Variants in NHLRC2 observed in about 807,000 individuals in gnomAD.
NHLRC2 encodes the protein NHL repeat containing 2.
A neutral mutation model predicts 68.1 loss-of-function variants in NHLRC2; 33 were observed. The ratio of observed to expected loss-of-function variants is 0.48; its 90% confidence interval spans 0.37 to 0.65. The LOEUF (loss-of-function observed/expected upper bound fraction) is 0.65, where lower values mean the gene tolerates loss of function less well. NHLRC2 is among the 30% of genes least tolerant of loss of function. NHLRC2 has a pLI of 0.00. For synonymous variants in NHLRC2, 311 were observed against 309.6 expected, an observed-to-expected ratio of 1.00 and a Z score of -0.05; for missense variants, 761 against 853.8, an observed-to-expected ratio of 0.89 and a Z score of 1.35.
At position 113,915,147 on chromosome 10, in the gene NHLRC2, T is replaced by C. The variant is rs539449927; in HGVS notation, c.*6611T>C. 4.6e-5 allele frequency: 21 copies of C among 456,242 alleles called. No individual in the cohort carries two copies. The highest frequency in any genetic ancestry group is 7.5e-5 in the Non-Finnish European group (17 of 226,992). The allele number at this position is 456,242 out of a possible 1,614,324, so 28.3% of individuals were successfully genotyped here. A position where few individuals can be genotyped will look rare whatever the true frequency, so the allele number is the denominator to read the frequency against. On this transcript the variant is annotated 3_prime_UTR_variant, in exon 11 of 11. Transcript: ENST00000369301. ...GAATGTTTGCCTGGTTGTATTGGTG[T>C]GTCCCTCTTCTTCACTGGCATGTCG...
At position 113,914,461 on chromosome 10, in the gene NHLRC2, C is replaced by T. The variant is rs1476462155; in HGVS notation, c.*5925C>T. 4 of 156,620 alleles carry T rather than the reference C, an allele frequency of 2.6e-5. No individual in the cohort carries two copies. The highest frequency in any genetic ancestry group is 5.6e-5 in the Non-Finnish European group (4 of 71,194). 9.7% of individuals were successfully genotyped at this position (156,620 alleles called of 1,614,324 possible). On this transcript the variant is annotated 3_prime_UTR_variant, in exon 11 of 11. Coordinates refer to ENST00000369301, the MANE Select transcript of NHLRC2 (RefSeq NM_198514.4). Reference sequence around the variant, plus strand: ...GGGATTACAGGCGTGAGCCGCTGCGCCCAGCGCACTAAATACTATTAAAAG... The same window carrying T: ...GGGATTACAGGCGTGAGCCGCTGCGTCCAGCGCACTAAATACTATTAAAAG...
intron 1 of NHLRC2, 58 bp downstream of exon 1, chr10:113,855,108 G>T (rs956168069): frequency 2.1e-6 from 3 of 1,444,474 alleles, no homozygotes; most frequent in African/African-American, 2.8e-5. Context: ...CCTCGGGGAC[G>T]GCGCCCTCCC....
At position 113,903,583 on chromosome 10, in the gene NHLRC2, C is replaced by T. The variant is rs1159547176; in HGVS notation, c.1551C>T (p.Asp517=). The T allele has an allele frequency of 2.5e-6, 4 of 1,612,668 alleles. No homozygotes were observed. The highest frequency in any genetic ancestry group is 2.2e-5 in the East Asian group (1 of 44,774). The part of the protein sequence containing the change: ...KNCTTLAGTG[D]TNNVTSSSFT... Reference sequence around the variant, plus strand: ...GTACAACATTAGCAGGAACTGGAGACACAAATAATGTTACCAGTTCCAGTT... The same window carrying T: ...GTACAACATTAGCAGGAACTGGAGATACAAATAATGTTACCAGTTCCAGTT... The change falls in exon 9 of 11, where the codon GAC becomes GAT. Residue 517 remains aspartate, a synonymous_variant. Coordinates refer to ENST00000369301, the MANE Select transcript of NHLRC2 (RefSeq NM_198514.4).
chr10:113,885,041 T>C (rs1846068593), intron 5 of NHLRC2, among the ~76,000 whole-genome samples: 2 of 151,858 alleles, frequency 1.3e-5, no homozygotes, highest in African/African-American at 2.4e-5. Flanking sequence ...TAAAATTGGA[T>C]TGATGAGTAA....
rs571027225 is a variant in NHLRC2 at position 113,875,907 on chromosome 10, A to C, written c.332-614A>C. Among the ~76,000 whole-genome samples, 407 of 148,148 alleles carry C rather than the reference A, an allele frequency of 2.7e-3. 2 individuals carry two copies. The highest frequency in any genetic ancestry group is 9.9e-3 in the African/African-American group (397 of 39,958). On this transcript the variant is annotated intron_variant, in intron 2 of 10. Transcript: ENST00000369301. ...TTGAATTTTTTCACTGAATCCAGCCAAACACTTTTTTTTTTTTTTTGGTAC... is the reference window on the plus strand; with the variant it reads ...TTGAATTTTTTCACTGAATCCAGCCCAACACTTTTTTTTTTTTTTTGGTAC...
chr10:113,899,981 T>C (rs1846214058), intron 6 of NHLRC2, among the ~76,000 whole-genome samples: 1 of 152,036 alleles, frequency 6.6e-6, no homozygotes. Flanking sequence ...TCAGTAAGAT[T>C]TGAGTTGTCA....
rs1845722207 is a variant in NHLRC2 at position 113,854,673 on chromosome 10, T to A, written c.-200T>A. ...TGGGTCGGACGGCAGTTTAATTACG[T>A]CCCCGGGAACTGCGCCGATTTGGAC... is the stretch of plus-strand genomic sequence containing the variant. On this transcript the variant is annotated 5_prime_UTR_variant, in exon 1 of 11. Coordinates refer to ENST00000369301, the MANE Select transcript of NHLRC2 (RefSeq NM_198514.4). The A allele has an allele frequency of 3.6e-6, 2 of 551,002 alleles. No homozygotes were observed. The highest frequency in any genetic ancestry group is 3.2e-6 in the Non-Finnish European group (1 of 312,334). The allele number at this position is 551,002 out of a possible 1,614,324, so 34.1% of individuals were successfully genotyped here.
intron 5 of NHLRC2, among the ~76,000 whole-genome samples, chr10:113,888,825 CTTTTT>C (rs553815478): frequency 1.5e-5 from 2 of 132,958 alleles, no homozygotes; most frequent in Non-Finnish European, 1.6e-5. Context: ...CTATCAGTAT[CTTTTT>C]TTTTTTTTTT....
At chr10:113,874,937 T>G (rs1845964227) in intron 2 of NHLRC2, among the ~76,000 whole-genome samples, 1 of 151,974 alleles carries the variant, frequency 6.6e-6, no homozygotes. Flanking sequence ...TCCTGTCTTT[T>G]TACTTCATTT....
chr10:113,889,247 G>T (rs1175668738), intron 5 of NHLRC2, among the ~76,000 whole-genome samples: 1 of 151,954 alleles, frequency 6.6e-6, no homozygotes, highest in Non-Finnish European at 1.5e-5. Flanking sequence ...ATTTTCCCTA[G>T]ATAGAAGTTT....
chr10:113,901,540 A>T, intron 6 of NHLRC2, 126 bp from the exon 7 acceptor site: 1 of 659,686 alleles, frequency 1.5e-6, no homozygotes, highest in East Asian at 2.6e-5. Context: ...CTAGACCAAG[A>T]TCACTAGTTT....
At chr10:113,899,552 C>T (rs1260868204) in intron 6 of NHLRC2, among the ~76,000 whole-genome samples, 1 of 152,128 alleles carries the variant, frequency 6.6e-6, no homozygotes, top group East Asian at 1.9e-4. Context: ...TGGTTGTCAT[C>T]AGTGAACTTA....
At chr10:113,904,306 T>G (rs1381606410) in intron 9 of NHLRC2, among the ~76,000 whole-genome samples, 1 of 152,132 alleles carries the variant, frequency 6.6e-6, no homozygotes, top group Non-Finnish European at 1.5e-5. Context: ...GGGAAATGTC[T>G]ATTATAAACT....
chr10:113,870,871 AT>A (rs1845916465), intron 2 of NHLRC2, among the ~76,000 whole-genome samples: 1 of 152,030 alleles, frequency 6.6e-6, no homozygotes. Context: ...TTTAAGATGT[AT>A]TTTTGAGTTG....
Position 113,902,670 on chromosome 10 carries a change from C to G in NHLRC2, c.1494+77C>G. ...AAATGCTGAAAGATCTGTGAGCCTC[C>G]TACAACTGCCACTCTAAAATATAGA... On this transcript the variant is annotated intron_variant, in intron 8 of 10. Coordinates refer to ENST00000369301, the MANE Select transcript of NHLRC2 (RefSeq NM_198514.4). 3 of 1,189,590 alleles carry G rather than the reference C, an allele frequency of 2.5e-6. No homozygotes were observed. In the South Asian group the frequency reaches 3.9e-5, roughly 16 times the overall value. The allele number at this position is 1,189,590 out of a possible 1,614,324, so 73.7% of individuals were successfully genotyped here. A position where few individuals can be genotyped will look rare whatever the true frequency, so the allele number is the denominator to read the frequency against.
chr10:113,856,199 C>T (rs973061665), intron 1 of NHLRC2, among the ~76,000 whole-genome samples: 1 of 152,112 alleles, frequency 6.6e-6, no homozygotes, highest in African/African-American at 2.4e-5. Context: ...ACGTATTTTA[C>T]CTTCTTTGGA....
At chr10:113,896,601 G>A (rs1846180096) in intron 5 of NHLRC2, among the ~76,000 whole-genome samples, 1 of 151,800 alleles carries the variant, frequency 6.6e-6, no homozygotes. Context: ...CACCAGCATG[G>A]CACATGTATA....
rs978790964 is a variant in NHLRC2, at chr10:113,916,331, A to G, written c.*7795A>G. On this transcript the variant is annotated 3_prime_UTR_variant, in exon 11 of 11. Coordinates refer to ENST00000369301, the MANE Select transcript of NHLRC2 (RefSeq NM_198514.4). ...TTAGGCCTCCCTCTTACTAAAAACA[A>G]TAGTAGTTTCTGTAGAAGTTTCAGT... 1.3e-5 allele frequency: 2 copies of G among 152,128 alleles called. No homozygotes were observed. The highest frequency in any genetic ancestry group is 2.4e-5 in the African/African-American group (1 of 41,458). The allele number at this position is 152,128 out of a possible 1,614,324, so 9.4% of individuals were successfully genotyped here.
intron 1 of NHLRC2, 129 bp from the exon 2 acceptor site, chr10:113,858,399 T>G: frequency 1.6e-6 from 1 of 607,724 alleles, no homozygotes; most frequent in Non-Finnish European, 2.9e-6. Context: ...ACAGCCTTTA[T>G]ATGGTGCTAC....
Sources: gnomAD v4.1 joint callset for allele counts (sites outside exome capture counted in the v4.1 genomes callset) on GRCh38, gnomAD v4.1.1 for gene constraint, MANE v1.5 for transcripts, NCBI Gene and HGNC (gene_info 2026-07-23, HGNC 2026-07-21) for gene names.